Variants in NKAIN2 observed in about 807,000 individuals in gnomAD.
The protein encoded by NKAIN2 is sodium/potassium-transporting ATPase subunit beta-1-interacting protein 2.
A neutral mutation model predicts 32.6 loss-of-function variants in NKAIN2; 14 were observed. The ratio of observed to expected loss-of-function variants is 0.43; its 90% CI spans 0.28 to 0.67. The LOEUF (loss-of-function observed/expected upper bound fraction) is 0.67, where lower values mean the gene tolerates loss of function less well. Ranked by LOEUF, NKAIN2 falls within the 30% of genes least tolerant of loss-of-function variation. The pLI, the probability that NKAIN2 is intolerant of heterozygous loss-of-function variation, is 0.17. For synonymous variants in NKAIN2, 80 were observed against 87.2 expected (o/e 0.92, Z 0.46); for missense variants, 198 against 258.3 (o/e 0.77, Z 1.60).
chr6:124,445,149 T>G (rs1466018885), intron 3 of NKAIN2, among the ~76,000 whole-genome samples: 1 of 152,006 alleles, frequency 6.6e-6, no homozygotes, highest in Non-Finnish European at 1.5e-5. Context: ...ATAGAGCAAC[T>G]CTATGTAGAA....
At chr6:124,682,057 C>T (rs1161162603) in intron 4 of NKAIN2, among the ~76,000 whole-genome samples, 2 of 151,786 alleles carry the variant, frequency 1.3e-5, no homozygotes, top group Non-Finnish European at 2.9e-5. Flanking sequence ...TTCAAAGAAT[C>T]AGAGATTTAC....
In NKAIN2 at chr6:124,432,665, A is replaced by T. The variant is rs184749722; in HGVS notation, c.273+77318A>T. Among the ~76,000 whole-genome samples the T allele has an allele frequency of 3.3e-5, 5 of 152,230 alleles. No individual in the cohort carries two copies. In the East Asian group the frequency reaches 9.7e-4, roughly 29 times the overall value. On this transcript the variant is annotated intron_variant, in intron 3 of 6. Coordinates refer to ENST00000368417, the MANE Select transcript of NKAIN2 (RefSeq NM_001040214.3). ...TTATAAAGTTTGAGTGAACCACCAT[A>T]TAGAGAAAGATTTATGTTTAGATTA...
chr6:124,478,117 TG>T (rs1335806830), intron 3 of NKAIN2, among the ~76,000 whole-genome samples: 2 of 152,062 alleles, frequency 1.3e-5, no homozygotes, highest in Non-Finnish European at 2.9e-5. Context: ...CCTCTCAAAA[TG>T]GTTGCCCTTC....
At chr6:124,640,401 A>T (rs888880268) in intron 3 of NKAIN2, among the ~76,000 whole-genome samples, 24 of 152,204 alleles carry the variant, frequency 1.6e-4, no homozygotes, top group African/African-American at 5.8e-4. Context: ...AATGGCAGTA[A>T]TATCTCTGGA....
intron 1 of NKAIN2, among the ~76,000 whole-genome samples, chr6:124,039,222 A>G (rs539310485): frequency 6.6e-6 from 1 of 152,204 alleles, no homozygotes; most frequent in South Asian, 2.1e-4. Context: ...ATAACATTAT[A>G]TATAGGTCAA....
chr6:123,824,665 C>G (rs1026328376), intron 1 of NKAIN2, among the ~76,000 whole-genome samples: 2 of 151,604 alleles, frequency 1.3e-5, no homozygotes, highest in Non-Finnish European at 2.9e-5. Flanking sequence ...AGCAAACCAC[C>G]ATGGCACATG....
intron 3 of NKAIN2, among the ~76,000 whole-genome samples, chr6:124,563,048 C>T (rs578152685): frequency 6.6e-5 from 10 of 151,756 alleles, no homozygotes; most frequent in East Asian, 5.8e-4. Context: ...GGGATTAAGA[C>T]GCTCTCTACC....
chr6:124,552,166 T>G (rs990189160), intron 3 of NKAIN2, among the ~76,000 whole-genome samples: 7 of 152,252 alleles, frequency 4.6e-5, no homozygotes, highest in Non-Finnish European at 1.0e-4. Context: ...TTCAATGACC[T>G]ACTATGATAC....
At chr6:124,718,839 T>C (rs887773752) in intron 4 of NKAIN2, among the ~76,000 whole-genome samples, 3 of 152,186 alleles carry the variant, frequency 2.0e-5, no homozygotes, top group Non-Finnish European at 4.4e-5. Context: ...ACCTTAGAGA[T>C]GGCAGATTTG....
chr6:124,731,506 C>A (rs1451779124), intron 4 of NKAIN2, among the ~76,000 whole-genome samples: 1 of 128,088 alleles, frequency 7.8e-6, no homozygotes, highest in Non-Finnish European at 1.6e-5. Flanking sequence ...GGGAATTGAA[C>A]AATGAGATCA....
At chr6:124,274,195 C>T (rs1415922193) in intron 1 of NKAIN2, among the ~76,000 whole-genome samples, 2 of 152,082 alleles carry the variant, frequency 1.3e-5, no homozygotes, top group Non-Finnish European at 2.9e-5. Flanking sequence ...ATAGTAGAAA[C>T]TTTCAGTTCA....
rs1271100335 is a variant in NKAIN2, at chr6:123,911,805, A to ATATATATATGTATATATATATATATGTG, written c.54+107559_54+107560insTGTATATATATATATATGTGTATATATA. 2.2e-4 allele frequency among the ~76,000 whole-genome samples: 23 copies of ATATATATATGTATATATATATATATGTG among 102,688 alleles called. 2 individuals are homozygous for ATATATATATGTATATATATATATATGTG. The highest frequency in any genetic ancestry group is 3.4e-4 in the Admixed American group (3 of 8,922). The allele number at this position is 102,688 out of a possible 152,430, so 67.4% of individuals were successfully genotyped here. A position where few individuals can be genotyped will look rare whatever the true frequency, so the allele number is the denominator to read the frequency against. ...TACATATATATATATATATATGTATATATATATACACACACACACACACAC... is the reference window on the plus strand; with the variant it reads ...TACATATATATATATATATATGTATATATATATATGTATATATATATATATGTGTATATATACACACACACACACACAC... On this transcript the variant is annotated intron_variant, in intron 1 of 6. Transcript: ENST00000368417.
At chr6:124,153,593 C>A (rs802253) in intron 1 of NKAIN2, among the ~76,000 whole-genome samples, 1 of 151,412 alleles carries the variant, frequency 6.6e-6, no homozygotes. Context: ...ATTCCATTAC[C>A]CTTTTTCCCC....
intron 1 of NKAIN2, among the ~76,000 whole-genome samples, chr6:123,804,977 GATCCT>G (rs1773155069): frequency 6.6e-6 from 1 of 152,184 alleles, no homozygotes; most frequent in African/African-American, 2.4e-5. Context: ...ACTGTTGTCT[GATCCT>G]ATAGGATGGA....
intron 1 of NKAIN2, among the ~76,000 whole-genome samples, chr6:124,209,788 T>G (rs74818878): frequency 0.02 from 3,113 of 151,942 alleles, 36 homozygotes; most frequent in Non-Finnish European, 0.029. Flanking sequence ...ATCTTGTATC[T>G]ATTTTAATCA....
At chr6:124,672,648 G>GA (rs1773162317) in intron 4 of NKAIN2, among the ~76,000 whole-genome samples, 1 of 151,912 alleles carries the variant, frequency 6.6e-6, no homozygotes, top group Admixed American at 6.6e-5. Context: ...GGGCTCTCTG[G>GA]AAAAAAGTAG....
At chr6:124,588,500 T>C (rs1254239873) in intron 3 of NKAIN2, among the ~76,000 whole-genome samples, 4 of 152,200 alleles carry the variant, frequency 2.6e-5, no homozygotes, top group Non-Finnish European at 4.4e-5. Context: ...TTCACTATTT[T>C]TGAATTCTTG....
chr6:124,198,109 C>T lies in NKAIN2; in HGVS notation c.55-84896C>T, dbSNP rs569879709. ...TTTAAATAACTCTAGATATGGGCTA[C>T]CTTTGCCCATAACTCCAATAACTCT... On this transcript the variant is annotated intron_variant, in intron 1 of 6. Coordinates refer to ENST00000368417, the MANE Select transcript of NKAIN2 (RefSeq NM_001040214.3). Among the ~76,000 whole-genome samples the T allele has an allele frequency of 2.2e-4, 34 of 152,012 alleles. No individual in the cohort carries two copies. The South Asian group carries it at 6.4e-3, about 29-fold the overall frequency.
intron 2 of NKAIN2, among the ~76,000 whole-genome samples, chr6:124,315,201 C>G (rs1796895527): frequency 6.6e-6 from 1 of 151,890 alleles, no homozygotes; most frequent in African/African-American, 2.4e-5. Flanking sequence ...TTTGGTGCAT[C>G]CCAGATCAAC....
Sources: gnomAD v4.1 joint callset for allele counts (sites outside exome capture counted in the v4.1 genomes callset) on GRCh38, gnomAD v4.1.1 for gene constraint, MANE v1.5 for transcripts, NCBI Gene and HGNC (gene_info 2026-07-23, HGNC 2026-07-21) for gene names.